NCSTN: variants seen among roughly 807,000 people sequenced by gnomAD.
The protein encoded by NCSTN is nicastrin, also known as anterior pharynx-defective 2.
In NCSTN, 22 loss-of-function variants were observed where a neutral mutation model predicts 87.0. The observed-to-expected ratio is 0.25, with a 90% CI of 0.18 to 0.36. The LOEUF is 0.36. Ranked by LOEUF, NCSTN falls within the 10% of genes least tolerant of loss-of-function variation. The probability of loss-of-function intolerance (pLI) is 1.00; values close to 1 mark genes in which losing one functional copy is unlikely to be tolerated. For missense variants in NCSTN, 693 were observed against 883.3 expected, an observed-to-expected ratio of 0.78 and a Z score of 2.73; for synonymous variants, 306 against 327.1, an observed-to-expected ratio of 0.94 and a Z score of 0.69.
chr1:160,354,871 G>C (rs1165061836), intron 11 of NCSTN, among the ~76,000 whole-genome samples: 1 of 152,144 alleles, frequency 6.6e-6, no homozygotes, highest in East Asian at 1.9e-4. Flanking sequence ...TCTTACTCAG[G>C]CTGGATTGCC....
At chr1:160,344,945 T>C in intron 2 of NCSTN, 119 bp downstream of exon 2, 1 of 843,614 alleles carries the variant, frequency 1.2e-6, no homozygotes, top group Non-Finnish European at 2.0e-6. Flanking sequence ...ATGTAGGCAG[T>C]TACAGATAAC....
At chr1:160,343,590 C>G (rs553583781) in intron 1 of NCSTN, 109 bp downstream of exon 1, 40 of 1,035,350 alleles carry the variant, frequency 3.9e-5, no homozygotes, top group East Asian at 5.1e-5. Flanking sequence ...TCTGTCCCCC[C>G]ACCCTGTAAA....
At chr1:160,349,193 A>G (rs1419110708) in intron 3 of NCSTN, 71 bp downstream of exon 3, 12 of 1,600,168 alleles carry the variant, frequency 7.5e-6, no homozygotes, top group African/African-American at 2.7e-5. Flanking sequence ...CCTCACACTT[A>G]TTAGTGAAAA....
At chr1:160,354,754 G>A (rs1649046906) in intron 11 of NCSTN, among the ~76,000 whole-genome samples, 1 of 152,192 alleles carries the variant, frequency 6.6e-6, no homozygotes, top group South Asian at 2.1e-4. Context: ...GGTTCAGTGC[G>A]AGGGTAAAAG....
intron 14 of NCSTN, 87 bp from the exon 15 acceptor site, chr1:160,356,513 C>T: frequency 6.4e-7 from 1 of 1,557,100 alleles, no homozygotes; most frequent in South Asian, 1.1e-5. Context: ...CATTGCCCTT[C>T]TTTCTGGCTG....
At position 160,349,605 on chromosome 1, in the gene NCSTN, C is replaced by T; in HGVS notation, c.371C>T (p.Ser124Phe). Residue 124 changes from serine (S) to phenylalanine (F), a missense_variant, in exon 4 of 17, where the codon TCC (serine) becomes TTC (phenylalanine). By Grantham distance (155) the Ser-to-Phe change is radical. Transcript: ENST00000294785. ...RTSRIAGLAV[S>F]LTKPSPASGF... ...AGCCGAATTGCTGGTCTTGCAGTGTCCTTGACCAAGCCCAGTCCTGCCTCA... is the reference window on the plus strand; with the variant it reads ...AGCCGAATTGCTGGTCTTGCAGTGTTCTTGACCAAGCCCAGTCCTGCCTCA... 1 of 1,614,140 alleles carries T rather than the reference C, an allele frequency of 6.2e-7. No individual in the cohort carries two copies. Among genetic ancestry groups the T allele is most frequent in the Non-Finnish European group, 8.5e-7 (1 of 1,179,990 alleles).
chr1:160,351,819 T>A lies in NCSTN; in HGVS notation c.843+14T>A, dbSNP rs1341463456. ...GCTGCCACCCGGGTGAGTGTTGGCT[T>A]CTGATCAGGATGGGCAGGGCTGGCA... On this transcript the variant is annotated intron_variant, in intron 7 of 16. Transcript: ENST00000294785. The A allele has an allele frequency of 6.3e-7, 1 of 1,580,052 alleles. No individual in the cohort carries two copies. The highest frequency in any genetic ancestry group is 1.1e-5 in the South Asian group (1 of 90,376).
intron 3 of NCSTN, 146 bp downstream of exon 3, chr1:160,349,268 A>G (rs1282065601): frequency 5.0e-6 from 6 of 1,193,478 alleles, no homozygotes; most frequent in South Asian, 1.3e-5. Context: ...GGAAAGGTGT[A>G]CCATCAAAAG....
chr1:160,353,501 G>T, intron 10 of NCSTN: 1 of 1,358,846 alleles, frequency 7.4e-7, no homozygotes, highest in Non-Finnish European at 9.5e-7. Context: ...ATTAAGGATA[G>T]GTGAGTGACT....
rs750076726 is a variant in NCSTN at position 160,358,227 on chromosome 1, G to A, written c.2086G>A (p.Val696Ile). ...VTYCINAKAD[V>I]LFIAPREPGA... ...CTACTGCATCAATGCCAAAGCTGAT[G>A]TCCTTTTCATTGCTCCCCGGGAGCC... Residue 696 changes from valine to isoleucine, a missense_variant, in exon 17 of 17, where the codon GTC becomes ATC. Transcript: ENST00000294785. The A allele has an allele frequency of 1.2e-6, 2 of 1,614,068 alleles. No individual in the cohort carries two copies. Among genetic ancestry groups the A allele is most frequent in the Non-Finnish European group, 1.7e-6 (2 of 1,180,022 alleles).
At position 160,348,992 on chromosome 1, in the gene NCSTN, C is replaced by G. The variant is rs1335369401; in HGVS notation, c.191-7C>G. ...GAGCTTTAATTTGACTCATTCTGTC[C>G]TGGCAGCTTCAATTAGTGGAGACAC... On this transcript the variant is annotated splice_region_variant and splice_polypyrimidine_tract_variant and intron_variant, in intron 2 of 16. Transcript: ENST00000294785. The G allele has an allele frequency of 2.5e-6, 4 of 1,614,156 alleles. No homozygotes were observed. Among genetic ancestry groups the G allele is most frequent in the Non-Finnish European group, 2.5e-6 (3 of 1,180,018 alleles).
rs1253520206 is a variant in NCSTN, at chr1:160,356,735, T to A, written c.1775T>A (p.Val592Asp). 6.2e-7 allele frequency: 1 copy of A among 1,614,030 alleles called. No homozygotes were observed. Among genetic ancestry groups the A allele is most frequent in the Non-Finnish European group, 8.5e-7 (1 of 1,180,034 alleles). The stretch of plus-strand genomic sequence containing the variant: ...GAGCAGTGCCAGGATCCAAGTAAAG[T>A]CCCAAGTGAAAACAAGGATGTGAGT... ...TREQCQDPSK[V>D]PSENKDLYEY... Residue 592 changes from valine to aspartate, a missense_variant, in exon 15 of 17, where the codon GTC becomes GAC. By Grantham distance (152) the Val-to-Asp change is radical. Transcript: ENST00000294785.
At chr1:160,353,137 T>C in intron 9 of NCSTN, 23 bp from the exon 10 acceptor site, 1 of 1,611,814 alleles carries the variant, frequency 6.2e-7, no homozygotes, top group Non-Finnish European at 8.5e-7. Flanking sequence ...ATTCTAAGTG[T>C]TGTTTCTTCA....
rs199875181 is a variant in NCSTN at position 160,358,245 on chromosome 1, C to T, written c.2104C>T (p.Arg702Trp). The change falls in exon 17 of 17, where the codon CGG (arginine) becomes TGG (tryptophan). Residue 702 changes from arginine to tryptophan, a missense_variant. Physicochemically the swap from Arg to Trp is moderately radical, Grantham distance 101. Coordinates refer to ENST00000294785, the MANE Select transcript of NCSTN (RefSeq NM_015331.3). ...AKADVLFIAPREPGAVSY is the reference protein window; with the variant it reads ...AKADVLFIAPWEPGAVSY ...AGCTGATGTCCTTTTCATTGCTCCC[C>T]GGGAGCCAGGAGCTGTGTCATACTG... 1.1e-4 allele frequency: 170 copies of T among 1,614,082 alleles called. No individual in the cohort carries two copies. The highest frequency in any genetic ancestry group is 3.2e-4 in the Admixed American group (19 of 60,014).
rs141165822 is a variant in NCSTN at position 160,343,450 on chromosome 1, T to G, written c.54T>G (p.Leu18=). Residue 18 remains leucine (L), a synonymous_variant, in exon 1 of 17, where the codon CTT becomes CTG. Coordinates refer to ENST00000294785, the MANE Select transcript of NCSTN (RefSeq NM_015331.3). ...CTGACCCGGGAAGTCGGGGTCTCCT[T>G]CGCCTTCTGTCTTTCTGCGTCCTAC... ...SGADPGSRGL[L]RLLSFCVLLA... The G allele has an allele frequency of 1.2e-6, 2 of 1,611,588 alleles. No individual in the cohort carries two copies. The highest frequency in any genetic ancestry group is 4.5e-5 in the East Asian group (2 of 44,790).
chr1:160,354,238 C>G lies in NCSTN; in HGVS notation c.1300C>G (p.Arg434Gly), dbSNP rs1085307081. The change falls in exon 11 of 17, where the codon CGA (arginine) becomes GGA (glycine). Residue 434 changes from arginine to glycine, a missense_variant. Arg to Gly is a moderately radical substitution (Grantham distance 125). Around this residue, in one of 4 missense-constraint regions of NCSTN, gnomAD observed 108 missense variants for 111.6 expected, o/e 0.97. Coordinates refer to ENST00000294785, the MANE Select transcript of NCSTN (RefSeq NM_015331.3). Reference sequence around the variant, plus strand: ...TTCCCTGCAGCGATTTCTTCGAGCTCGAAACATCTCTGGCGTTGTTCTGGC... The same window carrying G: ...TTCCCTGCAGCGATTTCTTCGAGCTGGAAACATCTCTGGCGTTGTTCTGGC... Reference protein sequence around the residue: ...PSSLQRFLRARNISGVVLADH... With the variant: ...PSSLQRFLRAGNISGVVLADH... 1 of 1,614,094 alleles carries G rather than the reference C, an allele frequency of 6.2e-7. No homozygotes were observed. The highest frequency in any genetic ancestry group is 1.3e-5 in the African/African-American group (1 of 75,014).
rs141903340 is a variant in NCSTN, at chr1:160,351,391, A to G, written c.733+19A>G. On this transcript the variant is annotated intron_variant, in intron 6 of 16. Transcript: ENST00000294785. ...AACCCAGGTAGGGCAGATCCGAACC[A>G]TGAGGGTAATGGAATAAGGGGCAGA... 1.9e-6 allele frequency: 3 copies of G among 1,613,054 alleles called. No homozygotes were observed. In the South Asian group the frequency reaches 3.3e-5, roughly 18 times the overall value.
intron 10 of NCSTN, among the ~76,000 whole-genome samples, chr1:160,353,913 A>G (rs771297557): frequency 3.9e-5 from 6 of 152,146 alleles, no homozygotes; most frequent in South Asian, 2.1e-4. Flanking sequence ...TTATGCCCCA[A>G]TTTTCTAACT....
At chr1:160,344,919 A>G in intron 2 of NCSTN, 93 bp downstream of exon 2, 2 of 1,061,574 alleles carry the variant, frequency 1.9e-6, no homozygotes, top group Non-Finnish European at 2.9e-6. Flanking sequence ...GAGATTTGAC[A>G]CTTATATTGG....
Sources: gnomAD v4.1 joint callset for allele counts (sites outside exome capture counted in the v4.1 genomes callset) on GRCh38, gnomAD v4.1.1 for gene constraint, gnomAD v4.1.1 regional missense constraint, MANE v1.5 for transcripts, NCBI Gene and HGNC (gene_info 2026-07-23, HGNC 2026-07-21) for gene names.